The following EPM2A variants were observed in gnomAD, a reference collection of about 807,000 sequenced individuals.
The protein encoded by EPM2A is EPM2A glucan phosphatase, laforin, also known as laforin.
In EPM2A, 21 loss-of-function variants were observed where a neutral mutation model predicts 26.5. The observed-to-expected ratio is 0.79, with a 90% confidence interval of 0.56 to 1.14. EPM2A has a LOEUF of 1.14. EPM2A is among the 50% of genes most tolerant of loss of function. The pLI is 0.00. For synonymous variants in EPM2A, 217 were observed against 177.6 expected (o/e 1.22, Z -1.76); for missense variants, 458 against 440.8 (o/e 1.04, Z -0.35).
intron 4 of EPM2A, among the ~76,000 whole-genome samples, chr6:145,415,182 T>C (rs1778691611): frequency 1.3e-5 from 2 of 152,210 alleles, no homozygotes; most frequent in Admixed American, 6.6e-5. Context: ...CAGAGAATTG[T>C]GCTTTCATTG....
At chr6:145,499,206 C>A (rs1348601321), downstream of EPM2A, among the ~76,000 whole-genome samples, 1 of 152,234 alleles carries the variant, frequency 6.6e-6, no homozygotes, top group East Asian at 1.9e-4. Context: ...GCATACATGG[C>A]TTTTCACAAC....
At chr6:145,614,100 C>T (rs1381976142) in intron 2 of EPM2A, among the ~76,000 whole-genome samples, 5 of 152,214 alleles carry the variant, frequency 3.3e-5, no homozygotes, top group Admixed American at 6.5e-5. Flanking sequence ...CTAGGTCTTC[C>T]GGATAACTTG....
At chr6:145,454,876 T>G (rs1357389592) in intron 4 of EPM2A, among the ~76,000 whole-genome samples, 1 of 152,238 alleles carries the variant, frequency 6.6e-6, no homozygotes, top group Non-Finnish European at 1.5e-5. Context: ...ATAACTCATC[T>G]CCTTTGACCT....
chr6:145,519,681 G>A (rs938632021), intron 2 of EPM2A, among the ~76,000 whole-genome samples: 1 of 152,132 alleles, frequency 6.6e-6, no homozygotes, highest in Non-Finnish European at 1.5e-5. Context: ...TCCAGGAGGT[G>A]GACAGAGGTT....
chr6:145,617,969 A>G (rs867860662), intron 2 of EPM2A, among the ~76,000 whole-genome samples: 4 of 152,366 alleles, frequency 2.6e-5, no homozygotes, highest in Admixed American at 6.5e-5. Context: ...ATTAAAAAAC[A>G]TAATAAAATA....
At chr6:145,399,613 C>T (rs1397585696) in intron 4 of EPM2A, among the ~76,000 whole-genome samples, 1 of 152,118 alleles carries the variant, frequency 6.6e-6, no homozygotes, top group Non-Finnish European at 1.5e-5. Flanking sequence ...TAACAAAAGT[C>T]TCTAAATTAT....
At chr6:145,659,112 A>T (rs1356444653) in intron 2 of EPM2A, among the ~76,000 whole-genome samples, 2 of 152,206 alleles carry the variant, frequency 1.3e-5, no homozygotes, top group Non-Finnish European at 2.9e-5. Context: ...TTGGTCAAAA[A>T]ATTTACCATA....
rs142775708 is a variant in EPM2A at position 145,670,239 on chromosome 6, T to G, written c.476+15883A>C. Reference sequence around the variant, plus strand: ...ACCTTCCCTCATTGCTCTGATCTCTTTTGTAGTAAAATTCTATATTTTACA... The same window carrying G: ...ACCTTCCCTCATTGCTCTGATCTCTGTTGTAGTAAAATTCTATATTTTACA... On this transcript the variant is annotated intron_variant, in intron 2 of 3. Transcript: ENST00000367519. 21 of 152,310 alleles carry G rather than the reference T, an allele frequency of 1.4e-4. No homozygotes were observed. The East Asian group carries it at 3.9e-3, about 28-fold the overall frequency. 9.4% of individuals were successfully genotyped at this position (152,310 alleles called of 1,614,324 possible).
chr6:145,469,850 T>C (rs1216286831), intron 4 of EPM2A, among the ~76,000 whole-genome samples: 2 of 152,118 alleles, frequency 1.3e-5, no homozygotes, highest in African/African-American at 2.4e-5. Context: ...TAAAGAAGAA[T>C]GAGATTCTGT....
At chr6:145,567,210 T>C (rs1780895695) in intron 2 of EPM2A, among the ~76,000 whole-genome samples, 1 of 152,224 alleles carries the variant, frequency 6.6e-6, no homozygotes, top group Admixed American at 6.5e-5. Context: ...ATACTTTTTT[T>C]TGACTAACCT....
At chr6:145,649,273 G>C (rs1007406523) in intron 2 of EPM2A, among the ~76,000 whole-genome samples, 6 of 152,154 alleles carry the variant, frequency 3.9e-5, no homozygotes, top group African/African-American at 1.4e-4. Context: ...ACCTTGGACA[G>C]GTATTTTACC....
intron 4 of EPM2A, chr6:145,490,012 TTCCACAGTCACTTGTGCTGAA>T (rs1345644950): frequency 1.8e-5 from 25 of 1,351,578 alleles, no homozygotes; most frequent in African/African-American, 1.3e-4. Flanking sequence ...GATGGACGTG[TTCCACAGTCACTTGTGCTGAA>T]TCCACAGTCA....
chr6:145,521,682 ACT>A (rs1475347968), intron 2 of EPM2A, among the ~76,000 whole-genome samples: 1 of 152,142 alleles, frequency 6.6e-6, no homozygotes, highest in African/African-American at 2.4e-5. Flanking sequence ...AAAGGTAAAA[ACT>A]CTAGATTGTT....
intron 2 of EPM2A, among the ~76,000 whole-genome samples, chr6:145,548,965 A>G (rs1237518468): frequency 6.6e-6 from 1 of 152,120 alleles, no homozygotes; most frequent in Non-Finnish European, 1.5e-5. Flanking sequence ...TCTCATCTGA[A>G]GCCGTGTGTA....
intron 2 of EPM2A, among the ~76,000 whole-genome samples, chr6:145,554,240 G>T (rs184849878): frequency 1.5e-3 from 233 of 151,974 alleles, no homozygotes; most frequent in Middle Eastern, 3.4e-3. Flanking sequence ...TACTAAGGGG[G>T]GTAGTATGAT....
chr6:145,680,871 T>G (rs895636029), intron 2 of EPM2A, among the ~76,000 whole-genome samples: 2 of 151,808 alleles, frequency 1.3e-5, no homozygotes, highest in Admixed American at 6.6e-5. Flanking sequence ...TGTGTCTTTA[T>G]AGCAGCATGA....
chr6:145,597,655 T>G (rs1283737078), intron 2 of EPM2A, among the ~76,000 whole-genome samples: 1 of 152,074 alleles, frequency 6.6e-6, no homozygotes, highest in Non-Finnish European at 1.5e-5. Context: ...TGGGGATGTG[T>G]TGTACAGATT....
rs56324645 is a variant in EPM2A, at chr6:145,422,478, T to TAA, written c.556-38383_556-38382dup. On this transcript the variant is annotated intron_variant, in intron 4 of 4. Coordinates refer to the EPM2A transcript ENST00000638717. ...GTCATATACTTCCTGTAATCTTTTG[T>TAA]AAAAAAAAAATCTGAAATATCAGTT... Among the ~76,000 whole-genome samples the TAA allele has an allele frequency of 9.9e-4, 146 of 147,894 alleles. 2 individuals carry two copies. In the South Asian group the frequency reaches 0.01, roughly 11 times the overall value.
chr6:145,715,495 T>C (rs548608146), intron 1 of EPM2A, among the ~76,000 whole-genome samples: 1 of 152,146 alleles, frequency 6.6e-6, no homozygotes, highest in Non-Finnish European at 1.5e-5. Context: ...GAATGAAAGA[T>C]GTTATTTGAG....
Sources: gnomAD v4.1 joint callset for allele counts (sites outside exome capture counted in the v4.1 genomes callset) on GRCh38, gnomAD v4.1.1 for gene constraint, MANE v1.5 for transcripts, NCBI Gene and HGNC (gene_info 2026-07-23, HGNC 2026-07-21) for gene names.